DAB1: variants seen among roughly 807,000 people sequenced by gnomAD.
The protein encoded by DAB1 is disabled homolog 1.
A neutral mutation model predicts 64.6 loss-of-function variants in DAB1; 15 were observed. The ratio of observed to expected loss-of-function variants is 0.23; its 90% CI spans 0.16 to 0.36. The LOEUF (loss-of-function observed/expected upper bound fraction) is 0.36, where lower values mean the gene tolerates loss of function less well. DAB1 is among the 10% of genes least tolerant of loss of function. The probability of loss-of-function intolerance (pLI) is 1.00; values close to 1 mark genes in which losing one functional copy is unlikely to be tolerated. For synonymous variants in DAB1, 235 were observed against 251.9 expected (o/e 0.93, Z 0.64); for missense variants, 596 against 706.7 (o/e 0.84, Z 1.78).
chr1:57,533,479 T>C (rs2101423420), intron 7 of DAB1, among the ~76,000 whole-genome samples: 1 of 150,072 alleles, frequency 6.7e-6, no homozygotes, highest in Non-Finnish European at 1.5e-5. Flanking sequence ...CAAAGTGAGG[T>C]CACTGAAACC....
intron 5 of DAB1, among the ~76,000 whole-genome samples, chr1:57,994,923 A>G (rs1052552006): frequency 2.0e-5 from 3 of 152,088 alleles, no homozygotes; most frequent in African/African-American, 7.2e-5. Context: ...GAAGAGAGGA[A>G]GAAAGAAGGA....
intron 2 of DAB1, among the ~76,000 whole-genome samples, chr1:57,159,856 C>CAAAAAAAAAAAAAAAAAAAAAAA (rs398049302): frequency 1.2e-5 from 1 of 86,346 alleles, no homozygotes; most frequent in Non-Finnish European, 2.2e-5. Flanking sequence ...AGCAGCAAGA[C>CAAAAAAAAAAAAAAAAAAAAAAA]AAAAAAAAAA....
rs1645558813 is a variant in DAB1, at chr1:56,994,781, T to C, written c.*3363A>G. On this transcript the variant is annotated 3_prime_UTR_variant, in exon 15 of 15. Coordinates refer to ENST00000371236, the MANE Select transcript of DAB1 (RefSeq NM_001365792.1). ...GTAGAATAAAGCCAGGCTAAAGTGT[T>C]GTTCTCAAACATGTTTATTTGTAAC... is the stretch of plus-strand genomic sequence containing the variant. 6.6e-6 allele frequency: 1 copy of C among 152,222 alleles called. No individual in the cohort carries two copies. The highest frequency in any genetic ancestry group is 1.5e-5 in the Non-Finnish European group (1 of 68,048). The allele number at this position is 152,222 out of a possible 1,614,324, so 9.4% of individuals were successfully genotyped here. A position where few individuals can be genotyped will look rare whatever the true frequency, so the allele number is the denominator to read the frequency against.
At chr1:58,051,451 T>C (rs1278134523) in intron 5 of DAB1, among the ~76,000 whole-genome samples, 2 of 152,252 alleles carry the variant, frequency 1.3e-5, no homozygotes, top group African/African-American at 4.8e-5. Flanking sequence ...CTATTATTGA[T>C]GGACATTTGG....
At chr1:57,238,622 C>T (rs1668264085) in intron 2 of DAB1, among the ~76,000 whole-genome samples, 1 of 152,126 alleles carries the variant, frequency 6.6e-6, no homozygotes, top group South Asian at 2.1e-4. Flanking sequence ...CTCCAGAAGT[C>T]CTTCCTGCAT....
chr1:57,384,737 A>G (rs139194051), intron 1 of DAB1, among the ~76,000 whole-genome samples: 103 of 152,266 alleles, frequency 6.8e-4, no homozygotes, highest in Admixed American at 6.5e-3. Flanking sequence ...AGGTGGAGGG[A>G]AAAATGGGGA....
At chr1:57,175,301 A>T (rs1287040196) in intron 2 of DAB1, among the ~76,000 whole-genome samples, 3 of 147,568 alleles carry the variant, frequency 2.0e-5, no homozygotes, top group Non-Finnish European at 4.4e-5. Flanking sequence ...TTTTTTTATT[A>T]TTTCAGACTT....
chr1:57,136,724 T>A (rs1192811692), intron 3 of DAB1, 83 bp from the exon 4 acceptor site: 8 of 764,428 alleles, frequency 1.0e-5, no homozygotes, highest in Non-Finnish European at 1.6e-5. Context: ...TCCGATACCA[T>A]CAACCAATGC....
chr1:57,165,338 A>G (rs890358379), intron 2 of DAB1, among the ~76,000 whole-genome samples: 2 of 152,178 alleles, frequency 1.3e-5, no homozygotes, highest in East Asian at 3.9e-4. Flanking sequence ...AGAGCTCAAT[A>G]TGGTCTATAA....
chr1:57,080,091 A>G (rs1652351969), intron 4 of DAB1, among the ~76,000 whole-genome samples: 1 of 152,210 alleles, frequency 6.6e-6, no homozygotes, highest in Non-Finnish European at 1.5e-5. Flanking sequence ...TATCATTACC[A>G]TTTGAACCAT....
At chr1:57,469,190 G>C (rs1196213701) in intron 7 of DAB1, among the ~76,000 whole-genome samples, 1 of 152,172 alleles carries the variant, frequency 6.6e-6, no homozygotes, top group African/African-American at 2.4e-5. Context: ...GCATGTATCT[G>C]TTTCCTCGTT....
intron 6 of DAB1, among the ~76,000 whole-genome samples, chr1:57,756,473 C>T (rs181952930): frequency 8.7e-4 from 133 of 152,198 alleles, no homozygotes; most frequent in Middle Eastern, 3.4e-3. Context: ...TGGCAAGAGG[C>T]ATGAGATAAC....
intron 3 of DAB1, among the ~76,000 whole-genome samples, chr1:58,372,891 G>A (rs186639649): frequency 3.3e-5 from 5 of 152,090 alleles, no homozygotes; most frequent in African/African-American, 1.2e-4. Flanking sequence ...CTGTAGAACT[G>A]TGCGTCAATT....
intron 3 of DAB1, among the ~76,000 whole-genome samples, chr1:58,452,031 C>T (rs1405854933): frequency 1.3e-5 from 2 of 151,042 alleles, no homozygotes; most frequent in Non-Finnish European, 2.9e-5. Context: ...CCCCTGGGTT[C>T]AAGCGATTCT....
At chr1:58,410,618 A>C (rs1644658971) in intron 3 of DAB1, among the ~76,000 whole-genome samples, 1 of 152,226 alleles carries the variant, frequency 6.6e-6, no homozygotes, top group African/African-American at 2.4e-5. Context: ...TAAGACCCGT[A>C]ATAGAAGCAG....
At chr1:58,071,363 GGTGTGTGTGTGTGT>G (rs548977353) in intron 5 of DAB1, among the ~76,000 whole-genome samples, 21 of 135,788 alleles carry the variant, frequency 1.5e-4, no homozygotes, top group East Asian at 4.6e-4. Context: ...AAAGGAGAAT[GGTGTGTGTGTGTGT>G]GTGTGTGTGT....
At chr1:57,397,740 T>A (rs1202626551) in intron 1 of DAB1, among the ~76,000 whole-genome samples, 1 of 152,246 alleles carries the variant, frequency 6.6e-6, no homozygotes, top group African/African-American at 2.4e-5. Flanking sequence ...CTGAGTAGCC[T>A]ACTGATGACA....
chr1:57,553,698 C>G (rs980431982), intron 7 of DAB1, among the ~76,000 whole-genome samples: 3 of 151,868 alleles, frequency 2.0e-5, no homozygotes, highest in African/African-American at 7.3e-5. Flanking sequence ...AAAAAAAGGG[C>G]CAATGTTGTC....
intron 7 of DAB1, among the ~76,000 whole-genome samples, chr1:57,595,514 G>A (rs994826285): frequency 6.6e-6 from 1 of 151,982 alleles, no homozygotes; most frequent in Non-Finnish European, 1.5e-5. Context: ...TTAGAGATGT[G>A]GGATAATTTG....
Sources: gnomAD v4.1 joint callset for allele counts (sites outside exome capture counted in the v4.1 genomes callset) on GRCh38, gnomAD v4.1.1 for gene constraint, MANE v1.5 for transcripts, NCBI Gene and HGNC (gene_info 2026-07-23, HGNC 2026-07-21) for gene names.